Variants in CIT observed in about 807,000 individuals in gnomAD.
The protein encoded by CIT is citron rho-interacting serine/threonine kinase.
In CIT, 79 loss-of-function variants were observed where a neutral mutation model predicts 272.7. The ratio of observed to expected loss-of-function variants is 0.29; its 90% CI spans 0.24 to 0.35. The LOEUF (loss-of-function observed/expected upper bound fraction) is 0.35. Among genes scored for constraint, CIT ranks in the 10% least tolerant of loss-of-function variants. The probability of loss-of-function intolerance (pLI) is 1.00; values close to 1 mark genes in which losing one functional copy is unlikely to be tolerated. For synonymous variants in CIT, 948 were observed against 995.6 expected, an observed-to-expected ratio of 0.95 and a Z score of 0.90; for missense variants, 1,909 against 2,618.3, an observed-to-expected ratio of 0.73 and a Z score of 5.91.
intron 9 of CIT, among the ~76,000 whole-genome samples, chr12:119,819,756 T>A (rs1021307980): frequency 6.6e-6 from 1 of 152,262 alleles, no homozygotes; most frequent in African/African-American, 2.4e-5. Flanking sequence ...TCACTCAACA[T>A]GTGTTTATGA....
intron 19 of CIT, among the ~76,000 whole-genome samples, chr12:119,765,618 G>T (rs769888488): frequency 2.0e-5 from 3 of 151,036 alleles, no homozygotes; most frequent in Non-Finnish European, 4.4e-5. Context: ...CAACAGGTGC[G>T]TGCCACCACA....
intron 19 of CIT, among the ~76,000 whole-genome samples, chr12:119,766,408 T>TAAAC (rs1962459917): frequency 6.6e-6 from 1 of 152,208 alleles, no homozygotes; most frequent in Non-Finnish European, 1.5e-5. Context: ...TATTCTCACT[T>TAAAC]ATTTGTGGGA....
At chr12:119,691,831 TA>T (rs1308436582) in intron 46 of CIT, among the ~76,000 whole-genome samples, 10 of 152,182 alleles carry the variant, frequency 6.6e-5, no homozygotes, top group Non-Finnish European at 1.0e-4. Context: ...CTAAAAGTAC[TA>T]GGGTCCCTAT....
chr12:119,710,194 T>A lies in CIT; in HGVS notation c.5071+57A>T. ...TGTTTTACGAGCATGAAACGTGGCT[T>A]CAACATATTGGCTCCCTTGAAAGTA... On this transcript the variant is annotated intron_variant, in intron 39 of 47. Coordinates refer to ENST00000392521, the MANE Select transcript of CIT (RefSeq NM_001206999.2). This position sits in a 1 kb window ranked among gnomAD's most constrained non-coding sequence, Gnocchi z 5.6. 1 of 1,583,826 alleles carries A rather than the reference T, an allele frequency of 6.3e-7. No homozygotes were observed. The highest frequency in any genetic ancestry group is 8.6e-7 in the Non-Finnish European group (1 of 1,165,752).
At chr12:119,773,450 G>C (rs1275988504) in intron 16 of CIT, among the ~76,000 whole-genome samples, 1 of 150,474 alleles carries the variant, frequency 6.6e-6, no homozygotes, top group Admixed American at 6.6e-5. Context: ...CTTTTTTTTT[G>C]AGACGGAGTT....
At position 119,735,084 on chromosome 12, in the gene CIT, G is replaced by A. The variant is rs1958679331; in HGVS notation, c.3156+76C>T. ...ATGAGGTTCAGTGTTGGAACCCTTG[G>A]GAGAACGCACCAAGCACTCCTAAAA... On this transcript the variant is annotated intron_variant, in intron 25 of 47. Transcript: ENST00000392521. The A allele has an allele frequency of 3.5e-6, 5 of 1,414,118 alleles. No homozygotes were observed. In the East Asian group the frequency reaches 9.2e-5, roughly 26 times the overall value. 87.6% of individuals were successfully genotyped at this position (1,414,118 alleles called of 1,614,324 possible).
At position 119,728,728 on chromosome 12, in the gene CIT, A is replaced by G; in HGVS notation, c.3487-122T>C. 1 of 694,188 alleles carries G rather than the reference A, an allele frequency of 1.4e-6. No homozygotes were observed. The highest frequency in any genetic ancestry group is 1.9e-5 in the South Asian group (1 of 52,650). The allele number at this position is 694,188 out of a possible 1,614,324, so 43.0% of individuals were successfully genotyped here. A position where few individuals can be genotyped will look rare whatever the true frequency, so the allele number is the denominator to read the frequency against. On this transcript the variant is annotated intron_variant, in intron 27 of 47. Coordinates refer to ENST00000392521, the MANE Select transcript of CIT (RefSeq NM_001206999.2). This position sits in a 1 kb window ranked among gnomAD's most constrained non-coding sequence, Gnocchi z 4.3. ...TTGAGTTCTAAAGGTCAGAACGTAA[A>G]GGTTGCTTTTTTCTAAATACAGAAG...
At position 119,692,034 on chromosome 12, in the gene CIT, A is replaced by G. The variant is rs571217973; in HGVS notation, c.5883-1580T>C. Among the ~76,000 whole-genome samples, 159 of 152,372 alleles carry G rather than the reference A, an allele frequency of 1.0e-3. 1 individual carries two copies. Among genetic ancestry groups the G allele is most frequent in the Non-Finnish European group, 1.8e-3 (123 of 68,040 alleles). On this transcript the variant is annotated intron_variant, in intron 46 of 47. Transcript: ENST00000392521. ...TGCTGATTCCAAAAATGAACCAAGC[A>G]TGAATCACAGAATGATTTGTTTTGT... is the stretch of plus-strand genomic sequence containing the variant.
At chr12:119,744,331 T>C (rs923524823) in intron 23 of CIT, among the ~76,000 whole-genome samples, 2 of 151,982 alleles carry the variant, frequency 1.3e-5, no homozygotes, top group South Asian at 2.1e-4. Flanking sequence ...CATCTGCTTA[T>C]GTATGAAAAC....
At chr12:119,740,522 T>C (rs1044555857) in intron 24 of CIT, among the ~76,000 whole-genome samples, 3 of 150,718 alleles carry the variant, frequency 2.0e-5, no homozygotes, top group African/African-American at 7.3e-5. Context: ...ACACCAATTA[T>C]ACCTCAATAA....
At chr12:119,787,941 G>T (rs779727089) in intron 10 of CIT, among the ~76,000 whole-genome samples, 1 of 152,056 alleles carries the variant, frequency 6.6e-6, no homozygotes, top group South Asian at 2.1e-4. Flanking sequence ...GCAAGTGTTC[G>T]ACAAATGTCA....
At chr12:119,730,449 G>A (rs1211769330) in intron 27 of CIT, 46 bp downstream of exon 27, 21 of 1,541,468 alleles carry the variant, frequency 1.4e-5, no homozygotes, top group Non-Finnish European at 1.8e-5. Context: ...TTTAAAAGAA[G>A]GAAACGAAAA....
intron 9 of CIT, among the ~76,000 whole-genome samples, chr12:119,805,831 A>C (rs2137902027): frequency 6.6e-6 from 1 of 152,324 alleles, no homozygotes; most frequent in East Asian, 1.9e-4. Context: ...GATAATCTTC[A>C]AGTTAAAAGG....
chr12:119,796,329 T>C (rs1163204333), intron 10 of CIT, among the ~76,000 whole-genome samples: 1 of 152,194 alleles, frequency 6.6e-6, no homozygotes, highest in Non-Finnish European at 1.5e-5. Context: ...AGGAGGCTAC[T>C]GCACCAGACC....
At chr12:119,722,188 T>A (rs1189797782) in intron 28 of CIT, among the ~76,000 whole-genome samples, 1 of 152,300 alleles carries the variant, frequency 6.6e-6, no homozygotes, top group East Asian at 1.9e-4. Context: ...TGGTTCTTTT[T>A]CCTAAAATGC....
intron 4 of CIT, among the ~76,000 whole-genome samples, chr12:119,855,197 C>T (rs1000671869): frequency 4.0e-5 from 6 of 151,892 alleles, no homozygotes; most frequent in Non-Finnish European, 7.4e-5. Context: ...CCGAGGTGGG[C>T]GAATCATGAG....
At chr12:119,861,575 G>A (rs566539306) in intron 3 of CIT, among the ~76,000 whole-genome samples, 4 of 148,404 alleles carry the variant, frequency 2.7e-5, no homozygotes, top group Non-Finnish European at 5.9e-5. Flanking sequence ...CAACAAGAGC[G>A]AAACTCCATC....
chr12:119,730,371 A>T, intron 27 of CIT, 124 bp downstream of exon 27: 4 of 1,028,184 alleles, frequency 3.9e-6, no homozygotes, highest in African/African-American at 1.6e-5. Flanking sequence ...ACATTTTTGG[A>T]GTGCATGAAC....
rs768850425 is a variant in CIT at position 119,690,356 on chromosome 12, T to C, written c.5981A>G (p.Glu1994Gly). The change falls in exon 47 of 48, where the codon GAG becomes GGG. Residue 1994 changes from glutamate to glycine, a missense_variant. Glu to Gly is a moderately conservative substitution (Grantham distance 98, BLOSUM62 -2). Transcript: ENST00000392521. The surrounding 1 kb of genome is among the most constrained non-coding windows in gnomAD (Gnocchi z 6.0). ...GCGGTAGCGGTGGGGTGTGCTTGGC[T>C]CTCGCGGGTGGCTGGGGCCTTCGGG... ...APPEGPSHPR[E>G]PSTPHRYREG... 1.3e-6 allele frequency: 2 copies of C among 1,598,166 alleles called. No individual in the cohort carries two copies. The highest frequency in any genetic ancestry group is 4.5e-5 in the East Asian group (2 of 44,690).
Sources: gnomAD v4.1 joint callset for allele counts (sites outside exome capture counted in the v4.1 genomes callset) on GRCh38, gnomAD v4.1.1 for gene constraint, Gnocchi (gnomAD v3.1) non-coding constraint, MANE v1.5 for transcripts, NCBI Gene and HGNC (gene_info 2026-07-23, HGNC 2026-07-21) for gene names.